The following ADAMTS20 variants were observed in gnomAD, a reference collection of about 807,000 sequenced individuals.
ADAMTS20 encodes A disintegrin and metalloproteinase with thrombospondin motifs 20.
A neutral mutation model predicts 260.1 loss-of-function variants in ADAMTS20; 225 were observed. That is an observed-to-expected ratio of 0.87 (90% CI 0.78 to 0.97). The LOEUF is 0.97. ADAMTS20 is among the 50% of genes least tolerant of loss of function. The pLI, the probability that ADAMTS20 is intolerant of heterozygous loss-of-function variation, is 0.00. For synonymous variants in ADAMTS20, 802 were observed against 769.5 expected, an observed-to-expected ratio of 1.04 and a Z score of -0.70; for missense variants, 2,400 against 2,337.7, an observed-to-expected ratio of 1.03 and a Z score of -0.55.
chr12:43,452,165 A>G lies in ADAMTS20; in HGVS notation c.2079+109T>C, dbSNP rs2137351379. 6 of 1,207,106 alleles carry G rather than the reference A, an allele frequency of 5.0e-6. No individual in the cohort carries two copies. In the South Asian group the frequency reaches 6.8e-5, roughly 14 times the overall value. The allele number at this position is 1,207,106 out of a possible 1,614,324, so 74.8% of individuals were successfully genotyped here. ...AACAAAGGTTGCTTTGTTGGAATGC[A>G]TAAGAACATATGCTGAAATAGTAAA... On this transcript the variant is annotated intron_variant, in intron 14 of 38. Transcript: ENST00000389420.
rs1452386229 is a variant in ADAMTS20 at position 43,540,133 on chromosome 12, G to A, written c.454-7938C>T. On this transcript the variant is annotated intron_variant, in intron 2 of 38. Coordinates refer to ENST00000389420, the MANE Select transcript of ADAMTS20 (RefSeq NM_025003.5). ...TCCTGATCCGCCTCAGCCTCCCAAA[G>A]TGCTGGGATTACAGGCGTTAGCCAC... Among the ~76,000 whole-genome samples, 3 of 152,054 alleles carry A rather than the reference G, an allele frequency of 2.0e-5. No homozygotes were observed. In the East Asian group the frequency reaches 5.8e-4, roughly 29 times the overall value.
intron 38 of ADAMTS20, among the ~76,000 whole-genome samples, chr12:43,354,702 A>G (rs1939707642): frequency 6.7e-6 from 1 of 149,784 alleles, no homozygotes; most frequent in South Asian, 2.1e-4. Context: ...CTTTAAATAA[A>G]AGAAAGATAT....
chr12:43,543,888 C>T (rs944032842), intron 2 of ADAMTS20, among the ~76,000 whole-genome samples: 3 of 151,970 alleles, frequency 2.0e-5, no homozygotes, highest in Non-Finnish European at 4.4e-5. Context: ...TCCAGTATAC[C>T]TTCTCCATGC....
At position 43,458,610 on chromosome 12, in the gene ADAMTS20, T is replaced by C. The variant is rs1478085106; in HGVS notation, c.1614+4285A>G. ...GCTAATTTGGTAACTTCATATAATGTCTGTCCTGACCATCATATTTTAAAT... is the reference window on the plus strand; with the variant it reads ...GCTAATTTGGTAACTTCATATAATGCCTGTCCTGACCATCATATTTTAAAT... On this transcript the variant is annotated intron_variant, in intron 11 of 38. Coordinates refer to ENST00000389420, the MANE Select transcript of ADAMTS20 (RefSeq NM_025003.5). Among the ~76,000 whole-genome samples the C allele has an allele frequency of 3.3e-5, 5 of 152,236 alleles. No individual in the cohort carries two copies. The East Asian group carries it at 9.6e-4, about 29-fold the overall frequency.
intron 31 of ADAMTS20, among the ~76,000 whole-genome samples, chr12:43,378,105 T>G (rs1940270095): frequency 6.6e-6 from 1 of 152,230 alleles, no homozygotes; most frequent in Non-Finnish European, 1.5e-5. Context: ...TAACAAGGAA[T>G]AGATTTACCT....
Position 43,399,194 on chromosome 12 carries a change from C to T in ADAMTS20, c.4324G>A (p.Val1442Met). 5 of 1,577,584 alleles carry T rather than the reference C, an allele frequency of 3.2e-6. No individual in the cohort carries two copies. The highest frequency in any genetic ancestry group is 4.3e-6 in the Non-Finnish European group (5 of 1,161,674). ...CTTTGGAATTGGTCAATGCAAAACA[C>T]TTCACGGTACTTTCTACCTTTACCA... is the stretch of plus-strand genomic sequence containing the variant. ...SCGKGRKYRE[V>M]FCIDQFQRKL... The change falls in exon 29 of 39, where the codon GTG becomes ATG. Residue 1442 changes from valine (V) to methionine (M), a missense_variant. Transcript: ENST00000389420.
At chr12:43,455,185 TA>T (rs1334724503) in intron 11 of ADAMTS20, among the ~76,000 whole-genome samples, 1 of 152,226 alleles carries the variant, frequency 6.6e-6, no homozygotes, top group Non-Finnish European at 1.5e-5. Context: ...TCACTTAGCA[TA>T]ATATGCCCAA....
At chr12:43,543,000 G>A (rs1411628300) in intron 2 of ADAMTS20, among the ~76,000 whole-genome samples, 1 of 152,070 alleles carries the variant, frequency 6.6e-6, no homozygotes, top group Non-Finnish European at 1.5e-5. Context: ...GAAGTCCAAG[G>A]ATCCCAGCCA....
chr12:43,438,000 A>G lies in ADAMTS20; in HGVS notation c.2593+1622T>C, dbSNP rs549000400. On this transcript the variant is annotated intron_variant, in intron 18 of 38. Transcript: ENST00000389420. ...CTGATAAAAAGCTTGAGGACTGATA[A>G]CTTTCAGTACACAGAAACAAACAAA... 2.8e-4 allele frequency among the ~76,000 whole-genome samples: 43 copies of G among 152,292 alleles called. No individual in the cohort carries two copies. The South Asian group carries it at 8.3e-3, about 29-fold the overall frequency.
At chr12:43,494,684 G>A (rs746370694) in intron 4 of ADAMTS20, among the ~76,000 whole-genome samples, 1 of 152,086 alleles carries the variant, frequency 6.6e-6, no homozygotes, top group Non-Finnish European at 1.5e-5. Flanking sequence ...AAGCAGGTCT[G>A]TTAGCAATGC....
intron 7 of ADAMTS20, among the ~76,000 whole-genome samples, chr12:43,474,053 G>T (rs1205989522): frequency 6.6e-6 from 1 of 151,884 alleles, no homozygotes; most frequent in Non-Finnish European, 1.5e-5. Context: ...CCAGGAAGCT[G>T]GTTTTTTGAA....
intron 3 of ADAMTS20, among the ~76,000 whole-genome samples, chr12:43,525,455 C>T (rs1009896430): frequency 2.6e-5 from 4 of 152,092 alleles, no homozygotes; most frequent in Admixed American, 6.6e-5. Flanking sequence ...GCCTATGAAA[C>T]AATTACACAA....
rs1450409534 is a variant in ADAMTS20 at position 43,551,591 on chromosome 12, C to T, written c.91+240G>A. 6.6e-6 allele frequency among the ~76,000 whole-genome samples: 1 copy of T among 152,204 alleles called. No individual in the cohort carries two copies. Among genetic ancestry groups the T allele is most frequent in the Non-Finnish European group, 1.5e-5 (1 of 68,038 alleles). On this transcript the variant is annotated intron_variant, in intron 1 of 38. Transcript: ENST00000389420. This position sits in a 1 kb window ranked among gnomAD's most constrained non-coding sequence, Gnocchi z 4.6. The stretch of plus-strand genomic sequence containing the variant: ...ACTCGTTCCCTCCGGGTGCAAGCGA[C>T]CCCCTGCCCCTTGCGCCCCCGCCGT...
Position 43,466,735 on chromosome 12 carries a change from A to T in ADAMTS20, c.1284T>A (p.His428Gln). ...GAAAACTTAAAGCAGGGGCCATTACATGATACTTTGTAACTTTCATTTCTT... is the reference window on the plus strand; with the variant it reads ...GAAAACTTAAAGCAGGGGCCATTACTTGATACTTTGTAACTTTCATTTCTT... Reference protein sequence around the residue: ...RCKEMKVTKYHVMAPALSFHM... With the variant: ...RCKEMKVTKYQVMAPALSFHM... The change falls in exon 9 of 39, where the codon CAT (histidine) becomes CAA (glutamine). Residue 428 changes from histidine to glutamine, a missense_variant. Coordinates refer to ENST00000389420, the MANE Select transcript of ADAMTS20 (RefSeq NM_025003.5). The T allele has an allele frequency of 6.2e-7, 1 of 1,610,902 alleles. No homozygotes were observed. The highest frequency in any genetic ancestry group is 8.5e-7 in the Non-Finnish European group (1 of 1,177,648).
In ADAMTS20 at chr12:43,467,184, A is replaced by C. The variant is rs529295170; in HGVS notation, c.1224-389T>G. On this transcript the variant is annotated intron_variant, in intron 8 of 38. Transcript: ENST00000389420. ...CACACTAAATTCTAGACCATTGACT[A>C]TGGCTACAATATCACAAGAACTTCG... Among the ~76,000 whole-genome samples, 4 of 152,088 alleles carry C rather than the reference A, an allele frequency of 2.6e-5. No homozygotes were observed. The East Asian group carries it at 7.7e-4, about 29-fold the overall frequency.
chr12:43,379,734 C>G (rs1483898642), intron 31 of ADAMTS20, among the ~76,000 whole-genome samples: 1 of 152,084 alleles, frequency 6.6e-6, no homozygotes, highest in African/African-American at 2.4e-5. Flanking sequence ...TCAGAAAAGT[C>G]ACTAAAAAAC....
intron 28 of ADAMTS20, among the ~76,000 whole-genome samples, chr12:43,399,459 T>G (rs1215176938): frequency 6.6e-6 from 1 of 152,184 alleles, no homozygotes; most frequent in African/African-American, 2.4e-5. Context: ...TTATAATTTA[T>G]TCTACAAAAA....
At chr12:43,368,270 A>G (rs1940030728) in intron 37 of ADAMTS20, among the ~76,000 whole-genome samples, 1 of 152,076 alleles carries the variant, frequency 6.6e-6, no homozygotes, top group Non-Finnish European at 1.5e-5. Flanking sequence ...TTGTTTATAA[A>G]TCACTCCCTG....
chr12:43,529,551 G>A (rs1430584186), intron 3 of ADAMTS20, among the ~76,000 whole-genome samples: 1 of 152,100 alleles, frequency 6.6e-6, no homozygotes, highest in Non-Finnish European at 1.5e-5. Context: ...GTAATTTCAG[G>A]AATGAAAAAC....
Sources: allele counts gnomAD v4.1 joint callset (sites outside exome capture counted in the v4.1 genomes callset), GRCh38; gene constraint gnomAD v4.1.1; non-coding constraint Gnocchi (gnomAD v3.1); transcripts MANE v1.5; gene names NCBI Gene and HGNC (gene_info 2026-07-23, HGNC 2026-07-21).